FHIT: variants seen among roughly 807,000 people sequenced by gnomAD.
FHIT encodes the protein bis(5'-adenosyl)-triphosphatase.
FHIT carries 19 observed loss-of-function variants against 17.9 expected under a neutral mutation model. The observed-to-expected ratio is 1.06, with a 90% CI of 0.74 to 1.56. FHIT has a LOEUF of 1.56. FHIT is among the 40% of genes most tolerant of loss of function. The pLI, the probability that FHIT is intolerant of heterozygous loss-of-function variation, is 0.00. For missense variants in FHIT, 248 were observed against 189.2 expected (o/e 1.31, Z -1.82); for synonymous variants, 81 against 69.7 (o/e 1.16, Z -0.81).
chr3:60,414,734 G>A (rs2611409), intron 5 of FHIT, among the ~76,000 whole-genome samples: 146,625 of 152,298 alleles, frequency 0.96, 70,810 homozygotes, highest in East Asian at 1. Context: ...AACATAGAGC[G>A]TTCTGAGGAT....
intron 4 of FHIT, among the ~76,000 whole-genome samples, chr3:60,616,572 C>A (rs1469786325): frequency 3.3e-5 from 5 of 152,076 alleles, no homozygotes; most frequent in African/African-American, 1.2e-4. Flanking sequence ...ATTAAAAACA[C>A]AATACCATTT....
intron 5 of FHIT, among the ~76,000 whole-genome samples, chr3:60,110,308 A>G (rs1368030664): frequency 6.6e-6 from 1 of 152,144 alleles, no homozygotes; most frequent in African/African-American, 2.4e-5. Context: ...ATAAGTCACA[A>G]TCTCTCAACT....
chr3:60,029,897 CTGTG>C (rs71089569), intron 5 of FHIT, among the ~76,000 whole-genome samples: 62 of 127,904 alleles, frequency 4.8e-4, no homozygotes, highest in Middle Eastern at 4.1e-3. Context: ...GTGTGTGTGT[CTGTG>C]TGTGTGTGTG....
chr3:61,055,805 T>A (rs1267897998), intron 2 of FHIT, among the ~76,000 whole-genome samples: 1 of 152,190 alleles, frequency 6.6e-6, no homozygotes, highest in Non-Finnish European at 1.5e-5. Flanking sequence ...ACAGAGAGAA[T>A]GTAGGCTTAA....
intron 8 of FHIT, among the ~76,000 whole-genome samples, chr3:59,792,197 G>C (rs938476089): frequency 1.3e-5 from 2 of 152,118 alleles, no homozygotes; most frequent in African/African-American, 4.8e-5. Context: ...CCCCATGGAG[G>C]GTTTTGGGCC....
chr3:60,879,402 C>T (rs1704846781), intron 3 of FHIT, among the ~76,000 whole-genome samples: 1 of 152,134 alleles, frequency 6.6e-6, no homozygotes, highest in Non-Finnish European at 1.5e-5. Context: ...CACTAAGATC[C>T]AACTACAGGT....
At chr3:61,220,183 C>T (rs1399462905) in intron 1 of FHIT, among the ~76,000 whole-genome samples, 1 of 152,196 alleles carries the variant, frequency 6.6e-6, no homozygotes, top group Non-Finnish European at 1.5e-5. Context: ...GCTGTTACTG[C>T]AGACAAATTA....
chr3:60,550,154 G>A (rs1413243767), intron 4 of FHIT, among the ~76,000 whole-genome samples: 1 of 152,162 alleles, frequency 6.6e-6, no homozygotes, highest in Non-Finnish European at 1.5e-5. Context: ...TCATCTAACT[G>A]AGGAACAACA....
chr3:60,182,760 G>A (rs1406139330), intron 5 of FHIT, among the ~76,000 whole-genome samples: 1 of 152,032 alleles, frequency 6.6e-6, no homozygotes, highest in African/African-American at 2.4e-5. Context: ...TGCAGCCTGG[G>A]TGACAGAGTG....
intron 3 of FHIT, among the ~76,000 whole-genome samples, chr3:60,841,674 A>G (rs7626047): frequency 0.037 from 5,649 of 152,284 alleles, 133 homozygotes; most frequent in Middle Eastern, 0.065. Context: ...CAAAATGCCA[A>G]CAAGAAACCG....
chr3:60,470,045 C>CCA (rs765672801), intron 5 of FHIT, among the ~76,000 whole-genome samples: 27 of 82,228 alleles, frequency 3.3e-4, no homozygotes, highest in African/African-American at 1.5e-3. Flanking sequence ...TCTCCCCTCT[C>CCA]CTCTCTCTTT....
chr3:60,962,451 G>T (rs1401287006), intron 3 of FHIT, among the ~76,000 whole-genome samples: 2 of 152,196 alleles, frequency 1.3e-5, no homozygotes, highest in African/African-American at 4.8e-5. Flanking sequence ...GCCCTGGCCA[G>T]AATTTCCAAC....
intron 5 of FHIT, among the ~76,000 whole-genome samples, chr3:60,077,719 C>T (rs1396020347): frequency 0.02 from 2,004 of 102,638 alleles, 32 homozygotes; most frequent in Middle Eastern, 0.028. Context: ...CACACACACA[C>T]ACACACACAC....
rs1707293164 is a variant in FHIT at position 60,278,792 on chromosome 3, CA to C, written c.103+258067del. ...CTTTCAACAACAAAAATAAGGCATG[CA>C]AAAAGAAATTTCTTAAAGATAAACT... On this transcript the variant is annotated intron_variant, in intron 5 of 9. Transcript: ENST00000492590. Among the ~76,000 whole-genome samples the C allele has an allele frequency of 2.0e-5, 3 of 151,440 alleles. No individual in the cohort carries two copies. The South Asian group carries it at 6.3e-4, about 32-fold the overall frequency.
chr3:60,428,470 C>A (rs1324803003), intron 5 of FHIT, among the ~76,000 whole-genome samples: 2 of 152,156 alleles, frequency 1.3e-5, no homozygotes, highest in African/African-American at 4.8e-5. Flanking sequence ...TACTTGGTAG[C>A]TTCATCAGAG....
chr3:60,446,268 T>C (rs1435124145), intron 5 of FHIT, among the ~76,000 whole-genome samples: 1 of 152,170 alleles, frequency 6.6e-6, no homozygotes, highest in African/African-American at 2.4e-5. Context: ...TTGATGTGTC[T>C]GAGGATTTTA....
At chr3:60,301,206 T>C (rs916097059) in intron 5 of FHIT, among the ~76,000 whole-genome samples, 1 of 152,162 alleles carries the variant, frequency 6.6e-6, no homozygotes, top group African/African-American at 2.4e-5. Context: ...AAGTAAATAA[T>C]ATTTCATAAT....
chr3:60,704,787 C>A (rs1026443833), intron 4 of FHIT, among the ~76,000 whole-genome samples: 32 of 152,092 alleles, frequency 2.1e-4, no homozygotes, highest in African/African-American at 7.2e-4. Flanking sequence ...ATAGCTGCTT[C>A]CTAAAAAATA....
chr3:60,538,754 T>C (rs941539766), intron 4 of FHIT, among the ~76,000 whole-genome samples: 1 of 152,108 alleles, frequency 6.6e-6, no homozygotes, highest in African/African-American at 2.4e-5. Context: ...AAAGCAGAAA[T>C]TGGATCCCTT....
Sources: gnomAD v4.1 joint callset for allele counts (sites outside exome capture counted in the v4.1 genomes callset) on GRCh38, gnomAD v4.1.1 for gene constraint, MANE v1.5 for transcripts, NCBI Gene and HGNC (gene_info 2026-07-23, HGNC 2026-07-21) for gene names.